DNAAF1: variants seen among roughly 807,000 people sequenced by gnomAD.
The protein encoded by DNAAF1 is dynein axonemal assembly factor 1, also known as dynein assembly factor 1, axonemal.
DNAAF1 carries 65 observed loss-of-function variants against 71.1 expected under a neutral mutation model. The observed-to-expected ratio is 0.91, with a 90% CI of 0.75 to 1.12. The LOEUF (loss-of-function observed/expected upper bound fraction) is 1.12. Among genes scored for constraint, DNAAF1 ranks in the 50% most tolerant of loss-of-function variants. The pLI, the probability that DNAAF1 is intolerant of heterozygous loss-of-function variation, is 0.00. For synonymous variants in DNAAF1, 414 were observed against 354.6 expected (o/e 1.17, Z -1.88); for missense variants, 1,178 against 899.8 (o/e 1.31, Z -3.96).
intron 7 of DNAAF1, among the ~76,000 whole-genome samples, chr16:84,169,406 C>T (rs1185269877): frequency 1.3e-5 from 2 of 151,240 alleles, no homozygotes; most frequent in Non-Finnish European, 2.9e-5. Context: ...ACTTTTTAAA[C>T]TATGTTCCTT....
rs200309272 is a variant in DNAAF1, at chr16:84,145,600, G to A, written c.124+36G>A. 1.8e-4 allele frequency: 283 copies of A among 1,539,862 alleles called. 1 individual carries two copies. In the East Asian group the frequency reaches 4.6e-3, roughly 25 times the overall value. On this transcript the variant is annotated intron_variant, in intron 1 of 11. Transcript: ENST00000378553. ...CCCCCCAGGGAGGGCGGTGGGCGAG[G>A]GGCAGACACGGCTAGGCGCTCCAGC...
In DNAAF1 at chr16:84,165,836, G is replaced by C. The variant is rs766716060; in HGVS notation, c.917G>C (p.Arg306Thr). 10 of 1,613,646 alleles carry C rather than the reference G, an allele frequency of 6.2e-6. No individual in the cohort carries two copies. Among genetic ancestry groups the C allele is most frequent in the Non-Finnish European group, 6.8e-6 (8 of 1,179,962 alleles). The change falls in exon 7 of 12, where the codon AGA (arginine) becomes ACA (threonine). Residue 306 changes from arginine to threonine, a missense_variant. Physicochemically the swap from Arg to Thr is moderately conservative, Grantham distance 71. Coordinates refer to ENST00000378553, the MANE Select transcript of DNAAF1 (RefSeq NM_178452.6). ...RGGYAAEKEE[R>T]QQWESRERKK... ...GGGTACGCAGCTGAAAAGGAGGAGAGACAGCAGTGGGAGAGCAGGGAGCGG... is the reference window on the plus strand; with the variant it reads ...GGGTACGCAGCTGAAAAGGAGGAGACACAGCAGTGGGAGAGCAGGGAGCGG...
chr16:84,169,838 C>A (rs777381635), intron 7 of DNAAF1, 21 bp from the exon 8 acceptor site: 1 of 1,613,030 alleles, frequency 6.2e-7, no homozygotes, highest in East Asian at 2.2e-5. Flanking sequence ...CCACATTCAC[C>A]TTTGCATTTT....
chr16:84,176,417 C>G, intron 11 of DNAAF1, 118 bp downstream of exon 11: 3 of 1,431,454 alleles, frequency 2.1e-6, no homozygotes, highest in Non-Finnish European at 2.9e-6. Context: ...GAGGGGTCAC[C>G]CAGGACAGAC....
intron 9 of DNAAF1, 190 bp from the exon 10 acceptor site, chr16:84,174,479 G>A: frequency 6.1e-6 from 9 of 1,470,848 alleles, no homozygotes; most frequent in Non-Finnish European, 8.1e-6. Context: ...CCAGACACCT[G>A]AGGTGGCAAC....
intron 10 of DNAAF1, 82 bp downstream of exon 10, chr16:84,174,804 T>C (rs2088566062): frequency 1.3e-6 from 2 of 1,567,908 alleles, no homozygotes. Context: ...TCTCCTAAAC[T>C]TGAAAGTAAA....
rs1015399409 is a variant in DNAAF1 at position 84,177,833 on chromosome 16, G to C, written c.2170G>C (p.Ala724Pro). ...CCTCACTGCATTCCCAGCACCGAAA[G>C]CATCATAGTTTTCCCCAGTTATATG... ...WDLTAFPAPKAS is the reference protein window; with the variant it reads ...WDLTAFPAPKPS The change falls in exon 12 of 12, where the codon GCA (alanine) becomes CCA (proline). Residue 724 changes from alanine (A) to proline (P), a missense_variant. Physicochemically the swap from Ala to Pro is conservative, Grantham distance 27. Transcript: ENST00000378553. 6.2e-7 allele frequency: 1 copy of C among 1,613,390 alleles called. No homozygotes were observed. The highest frequency in any genetic ancestry group is 1.3e-5 in the African/African-American group (1 of 74,898).
In DNAAF1 at chr16:84,165,783, A is replaced by T; in HGVS notation, c.864A>T (p.Arg288Ser). The change falls in exon 7 of 12, where the codon AGA becomes AGT. Residue 288 changes from arginine (R) to serine (S), a missense_variant and splice_region_variant. Physicochemically the swap from Arg to Ser is moderately radical, Grantham distance 110. Transcript: ENST00000378553. ...LDDRPVFPKD[R>S]ACAEAWARGG... ...TTATGTTTCTTTGTTTTTTAAACAG[A>T]GCTTGTGCGGAGGCCTGGGCTAGGG... The T allele has an allele frequency of 6.2e-7, 1 of 1,613,596 alleles. No homozygotes were observed. Among genetic ancestry groups the T allele is most frequent in the South Asian group, 1.1e-5 (1 of 91,064 alleles).
Position 84,145,321 on chromosome 16 carries a change from C to T in DNAAF1, c.-120C>T, listed in dbSNP as rs923621112. ...AAGCGTTGGGCTGTAAAGACTAGGG[C>T]GCCAGCGGCTGGCGAAGAAGGAAAG... On this transcript the variant is annotated 5_prime_UTR_variant, in exon 1 of 12. Transcript: ENST00000378553. 8.0e-6 allele frequency: 12 copies of T among 1,496,488 alleles called. No homozygotes were observed. The African/African-American group carries it at 1.1e-4, about 14-fold the overall frequency. 92.7% of individuals were successfully genotyped at this position (1,496,488 alleles called of 1,614,324 possible).
chr16:84,172,812 C>CG, intron 9 of DNAAF1: 10 of 1,055,834 alleles, frequency 9.5e-6, no homozygotes, highest in East Asian at 7.8e-5. Context: ...CACCGCCCAG[C>CG]AGGTAGCTTA....
Position 84,172,248 on chromosome 16 carries a change from G to T in DNAAF1, c.1529-12G>T, listed in dbSNP as rs201148560. The T allele has an allele frequency of 1.2e-6, 2 of 1,613,126 alleles. No homozygotes were observed. Among genetic ancestry groups the T allele is most frequent in the Admixed American group, 1.7e-5 (1 of 59,884 alleles). ...TGTTAAACTAACTCCAAGACTTGTT[G>T]TTGCTCTTTAGAACCGACTCCCCAG... On this transcript the variant is annotated splice_polypyrimidine_tract_variant and intron_variant, in intron 8 of 11. Coordinates refer to ENST00000378553, the MANE Select transcript of DNAAF1 (RefSeq NM_178452.6).
At chr16:84,146,146 CAG>C (rs1567530574) in intron 1 of DNAAF1, among the ~76,000 whole-genome samples, 1 of 152,144 alleles carries the variant, frequency 6.6e-6, no homozygotes, top group Non-Finnish European at 1.5e-5. Context: ...GACTCAGGCC[CAG>C]ACAGTCTGGG....
In DNAAF1 at chr16:84,146,430, T is replaced by C. The variant is rs1416619118; in HGVS notation, c.124+866T>C. ...GCCAGAATGGACTTGAAAGATAACCTTCATGGCCAGGCACGGTGGCTCACG... is the reference window on the plus strand; with the variant it reads ...GCCAGAATGGACTTGAAAGATAACCCTCATGGCCAGGCACGGTGGCTCACG... On this transcript the variant is annotated intron_variant, in intron 1 of 11. Transcript: ENST00000378553. Among the ~76,000 whole-genome samples the C allele has an allele frequency of 2.6e-5, 4 of 151,972 alleles. No homozygotes were observed. In the East Asian group the frequency reaches 7.8e-4, roughly 30 times the overall value.
At chr16:84,148,981 C>T in intron 1 of DNAAF1, 26 bp from the exon 2 acceptor site, 1 of 1,613,688 alleles carries the variant, frequency 6.2e-7, no homozygotes, top group Non-Finnish European at 8.5e-7. Context: ...TTGATCTCTA[C>T]AGACCTGATC....
chr16:84,151,066 T>A (rs142482653), intron 3 of DNAAF1, among the ~76,000 whole-genome samples: 1 of 152,188 alleles, frequency 6.6e-6, no homozygotes, highest in African/African-American at 2.4e-5. Context: ...GGAGCCAGGG[T>A]TGGAGGCCAG....
intron 5 of DNAAF1, 114 bp from the exon 6 acceptor site, chr16:84,159,561 T>G: frequency 7.0e-7 from 1 of 1,424,342 alleles, no homozygotes; most frequent in Non-Finnish European, 9.6e-7. Context: ...ATATTGGCAC[T>G]TCTATTTTGC....
chr16:84,169,962 T>A lies in DNAAF1; in HGVS notation c.1134T>A (p.Phe378Leu). The A allele has an allele frequency of 6.2e-7, 1 of 1,614,084 alleles. No individual in the cohort carries two copies. Among genetic ancestry groups the A allele is most frequent in the Non-Finnish European group, 8.5e-7 (1 of 1,180,034 alleles). Residue 378 changes from phenylalanine (F) to leucine (L), a missense_variant, in exon 8 of 12, where the codon TTT (phenylalanine) becomes TTA (leucine). Phe to Leu is a conservative substitution (Grantham distance 22, BLOSUM62 0). Coordinates refer to ENST00000378553, the MANE Select transcript of DNAAF1 (RefSeq NM_178452.6). The part of the protein sequence containing the change: ...DRETRQKMEL[F>L]VKESFEAKDE... ...AAACAAGGCAGAAGATGGAGCTATT[T>A]GTTAAGGAAAGCTTTGAGGCCAAGG...
intron 9 of DNAAF1, chr16:84,174,410 A>C (rs1054964094): frequency 2.2e-6 from 3 of 1,376,972 alleles, no homozygotes; most frequent in Non-Finnish European, 2.8e-6. Flanking sequence ...AAGCAGAAAA[A>C]AGATGTGGAA....
intron 9 of DNAAF1, chr16:84,172,697 A>G: frequency 8.2e-7 from 1 of 1,212,474 alleles, no homozygotes; most frequent in Non-Finnish European, 1.0e-6. Context: ...CTATCTTGCT[A>G]AGTGGTTCTG....
Sources: allele counts gnomAD v4.1 joint callset (sites outside exome capture counted in the v4.1 genomes callset), GRCh38; gene constraint gnomAD v4.1.1; transcripts MANE v1.5; gene names NCBI Gene and HGNC (gene_info 2026-07-23, HGNC 2026-07-21).